Variants in RALYL observed in about 807,000 individuals in gnomAD.
RALYL encodes the protein RALY RNA binding protein like.
In RALYL, 29 loss-of-function variants were observed where a neutral mutation model predicts 35.1. The observed-to-expected ratio is 0.83, with a 90% CI of 0.61 to 1.13. RALYL has a LOEUF of 1.13. RALYL is among the 50% of genes most tolerant of loss of function. The probability of loss-of-function intolerance (pLI) is 0.00; values close to 1 mark genes in which losing one functional copy is unlikely to be tolerated. For synonymous variants in RALYL, 120 were observed against 127.6 expected (o/e 0.94, Z 0.40); for missense variants, 359 against 360.4 (o/e 1.00, Z 0.03).
At chr8:84,419,421 G>A (rs1298982905) in intron 1 of RALYL, among the ~76,000 whole-genome samples, 1 of 151,814 alleles carries the variant, frequency 6.6e-6, no homozygotes, top group Non-Finnish European at 1.5e-5. Flanking sequence ...CATTTTCATT[G>A]TCTTTATCCC....
At position 84,746,997 on chromosome 8, in the gene RALYL, T is replaced by A. The variant is rs1214973629; in HGVS notation, c.257-27582T>A. ...ACATATTTATCTGGAAGAGTAGGAATAATAAGCATTGTACTCTGTAACAAA... is the reference window on the plus strand; with the variant it reads ...ACATATTTATCTGGAAGAGTAGGAAAAATAAGCATTGTACTCTGTAACAAA... On this transcript the variant is annotated intron_variant, in intron 2 of 8. Coordinates refer to ENST00000521268, the MANE Select transcript of RALYL (RefSeq NM_173848.7). Among the ~76,000 whole-genome samples, 3 of 151,952 alleles carry A rather than the reference T, an allele frequency of 2.0e-5. No homozygotes were observed. In the East Asian group the frequency reaches 5.8e-4, roughly 29 times the overall value.
chr8:84,552,681 C>G (rs531512475), intron 2 of RALYL, among the ~76,000 whole-genome samples: 2 of 151,674 alleles, frequency 1.3e-5, no homozygotes, highest in Non-Finnish European at 1.5e-5. Context: ...CTGATTTTGG[C>G]TCTTTGTTTT....
chr8:84,441,465 C>T (rs746796335), intron 1 of RALYL, among the ~76,000 whole-genome samples: 7 of 152,008 alleles, frequency 4.6e-5, no homozygotes, highest in Non-Finnish European at 8.8e-5. Flanking sequence ...TTGTGATGTT[C>T]ATAACAATAA....
At chr8:84,573,885 C>T (rs997270767) in intron 2 of RALYL, among the ~76,000 whole-genome samples, 2 of 151,868 alleles carry the variant, frequency 1.3e-5, no homozygotes, top group East Asian at 1.9e-4. Context: ...TTTCATTTCT[C>T]TCTTCGTTAT....
chr8:84,730,357 A>G (rs967234987), intron 2 of RALYL, among the ~76,000 whole-genome samples: 29 of 152,204 alleles, frequency 1.9e-4, no homozygotes, highest in Non-Finnish European at 3.1e-4. Flanking sequence ...AAAACTCTCA[A>G]TAAATGAGGT....
chr8:84,691,680 G>A (rs1838089220), intron 2 of RALYL, among the ~76,000 whole-genome samples: 1 of 151,896 alleles, frequency 6.6e-6, no homozygotes. Flanking sequence ...ATGGATTCCT[G>A]GGGTGCTAGG....
chr8:84,613,008 G>A (rs1478413513), intron 2 of RALYL, among the ~76,000 whole-genome samples: 3 of 151,650 alleles, frequency 2.0e-5, no homozygotes, highest in African/African-American at 4.9e-5. Context: ...TGCAAAGTGT[G>A]TTTTGTGATC....
At chr8:84,802,486 GA>G (rs1253327093) in intron 3 of RALYL, among the ~76,000 whole-genome samples, 1 of 151,542 alleles carries the variant, frequency 6.6e-6, no homozygotes, top group Non-Finnish European at 1.5e-5. Context: ...AGGAGAAGGG[GA>G]CAACTATTAA....
Position 84,355,443 on chromosome 8 carries a change from G to T in RALYL, c.-24+171019G>T. ...AAGGAAGTGGAAAGTGAGTTTGTATGTAGTTTGTATGTAGGAATGGAGACA... is the reference window on the plus strand; with the variant it reads ...AAGGAAGTGGAAAGTGAGTTTGTATTTAGTTTGTATGTAGGAATGGAGACA... On this transcript the variant is annotated intron_variant, in intron 1 of 8. Coordinates refer to ENST00000521268, the MANE Select transcript of RALYL (RefSeq NM_173848.7). Among the ~76,000 whole-genome samples the T allele has an allele frequency of 1.3e-5, 2 of 150,614 alleles. 1 individual carries two copies.
intron 2 of RALYL, among the ~76,000 whole-genome samples, chr8:84,586,060 T>C (rs1456616977): frequency 1.3e-5 from 2 of 151,956 alleles, no homozygotes; most frequent in African/African-American, 2.4e-5. Context: ...CTGGGCGTGG[T>C]GGCACACACC....
intron 3 of RALYL, among the ~76,000 whole-genome samples, chr8:84,803,908 A>G (rs1823957785): frequency 6.6e-6 from 1 of 152,244 alleles, no homozygotes. Flanking sequence ...AGTTAAAAAT[A>G]TCTTCAGTTC....
At chr8:84,721,475 T>C (rs1396762612) in intron 2 of RALYL, among the ~76,000 whole-genome samples, 1 of 152,158 alleles carries the variant, frequency 6.6e-6, no homozygotes. Flanking sequence ...GATTATTTTA[T>C]CATTTTAAGA....
At chr8:84,229,325 C>G (rs946622612) in intron 1 of RALYL, among the ~76,000 whole-genome samples, 1 of 152,136 alleles carries the variant, frequency 6.6e-6, no homozygotes, top group Non-Finnish European at 1.5e-5. Flanking sequence ...AGCAAGATTT[C>G]ACAGAGGCAG....
At chr8:84,535,592 C>T (rs551969402) in intron 2 of RALYL, among the ~76,000 whole-genome samples, 37 of 88,898 alleles carry the variant, frequency 4.2e-4, no homozygotes, top group Non-Finnish European at 8.0e-4. Context: ...CCTGCCACCA[C>T]GCCCGGCTAA....
intron 1 of RALYL, among the ~76,000 whole-genome samples, chr8:84,275,933 A>G (rs1420216427): frequency 6.6e-6 from 1 of 152,024 alleles, no homozygotes; most frequent in Non-Finnish European, 1.5e-5. Flanking sequence ...CAAAAATTAA[A>G]TTTACTTTGG....
At chr8:84,552,358 ATTTTTTTTTTTTT>A (rs1167949176) in intron 2 of RALYL, among the ~76,000 whole-genome samples, 1 of 30,614 alleles carries the variant, frequency 3.3e-5, no homozygotes, top group Non-Finnish European at 5.8e-5. Flanking sequence ...ATATATATAT[ATTTTTTTTTTTTT>A]TTTTTTTTTT....
chr8:84,773,815 A>G (rs1360498986), intron 2 of RALYL, among the ~76,000 whole-genome samples: 1 of 152,208 alleles, frequency 6.6e-6, no homozygotes, highest in Non-Finnish European at 1.5e-5. Context: ...AGGAAATTTA[A>G]TAAGTCCTCC....
chr8:84,428,232 T>G (rs1452440078), intron 1 of RALYL, among the ~76,000 whole-genome samples: 2 of 152,264 alleles, frequency 1.3e-5, no homozygotes, highest in African/African-American at 4.8e-5. Flanking sequence ...AGTTTTCTTT[T>G]GCTTTTTAAA....
At chr8:84,306,008 C>CA (rs1357263209) in intron 1 of RALYL, among the ~76,000 whole-genome samples, 1 of 151,860 alleles carries the variant, frequency 6.6e-6, no homozygotes. Context: ...ACTAAAAATA[C>CA]AAAAAATTAG....
Sources: gnomAD v4.1 joint callset for allele counts (sites outside exome capture counted in the v4.1 genomes callset) on GRCh38, gnomAD v4.1.1 for gene constraint, MANE v1.5 for transcripts, NCBI Gene and HGNC (gene_info 2026-07-23, HGNC 2026-07-21) for gene names.